Variants in AGTPBP1 observed in about 807,000 individuals in gnomAD.
AGTPBP1 encodes the protein cytosolic carboxypeptidase 1.
A neutral mutation model predicts 143.9 loss-of-function variants in AGTPBP1; 70 were observed. The ratio of observed to expected loss-of-function variants is 0.49; its 90% confidence interval spans 0.40 to 0.59. The LOEUF (loss-of-function observed/expected upper bound fraction) is 0.59, where lower values mean the gene tolerates loss of function less well. Among genes scored for constraint, AGTPBP1 ranks in the 20% least tolerant of loss-of-function variants. The pLI, the probability that AGTPBP1 is intolerant of heterozygous loss-of-function variation, is 0.00. For synonymous variants in AGTPBP1, 463 were observed against 500.2 expected (o/e 0.93, Z 0.99); for missense variants, 1,229 against 1,464.5 (o/e 0.84, Z 2.62).
At position 85,632,710 on chromosome 9, in the gene AGTPBP1, G is replaced by A. The variant is rs780688421; in HGVS notation, c.1967C>T (p.Pro656Leu). 9.3e-6 allele frequency: 15 copies of A among 1,613,682 alleles called. No individual in the cohort carries two copies. The highest frequency in any genetic ancestry group is 2.7e-5 in the African/African-American group (2 of 74,898). The change falls in exon 14 of 26, where the codon CCG becomes CTG. Residue 656 changes from proline to leucine, a missense_variant. Transcript: ENST00000357081. ...VAYPDYFGHI[P>L]PPFKEPILER... The stretch of plus-strand genomic sequence containing the variant: ...TAAAATAGGCTCTTTGAATGGAGGC[G>A]GAATGTGACCAAAATAATCGGGATA...
the AGTPBP1 span, among the ~76,000 whole-genome samples, chr9:85,765,793 A>G: frequency 6.6e-6 from 1 of 152,214 alleles, no homozygotes; most frequent in Non-Finnish European, 1.5e-5. Flanking sequence ...AAGTGACAGG[A>G]AGTTATGAGG....
chr9:85,682,739 A>G (rs938193460), intron 3 of AGTPBP1, among the ~76,000 whole-genome samples: 4 of 152,220 alleles, frequency 2.6e-5, no homozygotes, highest in African/African-American at 9.6e-5. Context: ...TGAGGCCCTG[A>G]TTAAAGGAAA....
intron 2 of AGTPBP1, among the ~76,000 whole-genome samples, chr9:85,698,653 A>T (rs1836430041): frequency 7.2e-6 from 1 of 138,232 alleles, no homozygotes; most frequent in African/African-American, 2.6e-5. Context: ...CACTTAGAGG[A>T]GGAAATGTAT....
chr9:85,682,841 T>TCTGAC (rs1226127634), intron 3 of AGTPBP1, among the ~76,000 whole-genome samples: 5 of 152,222 alleles, frequency 3.3e-5, no homozygotes, highest in African/African-American at 4.8e-5. Context: ...ACTTCATGAA[T>TCTGAC]CTGACATCAC....
At chr9:85,713,741 AT>A (rs1417138428) in intron 1 of AGTPBP1, among the ~76,000 whole-genome samples, 1 of 152,060 alleles carries the variant, frequency 6.6e-6, no homozygotes, top group South Asian at 2.1e-4. Context: ...GACATACATA[AT>A]TTTTTTTCAT....
chr9:85,591,225 A>G (rs1828943936), intron 19 of AGTPBP1, among the ~76,000 whole-genome samples: 1 of 151,928 alleles, frequency 6.6e-6, no homozygotes, highest in Non-Finnish European at 1.5e-5. Context: ...GACAGGGTGA[A>G]TCACGGTAAG....
the AGTPBP1 span, among the ~76,000 whole-genome samples, chr9:85,789,960 C>T: frequency 2.6e-5 from 4 of 152,142 alleles, no homozygotes; most frequent in Non-Finnish European, 5.9e-5. Context: ...TAGGCACCTA[C>T]TCGTGACTTT....
chr9:85,576,433 A>AT (rs1186014430), intron 24 of AGTPBP1, among the ~76,000 whole-genome samples: 2 of 152,172 alleles, frequency 1.3e-5, no homozygotes, highest in African/African-American at 4.8e-5. Context: ...CTTTACAGTT[A>AT]TTTTTAAATT....
chr9:85,771,231 G>C, the AGTPBP1 span, among the ~76,000 whole-genome samples: 1 of 152,176 alleles, frequency 6.6e-6, no homozygotes, highest in Non-Finnish European at 1.5e-5. Context: ...CAGGTGCAGT[G>C]GCTCATGCCT....
chr9:85,624,006 T>C (rs1238392825), intron 14 of AGTPBP1, among the ~76,000 whole-genome samples: 1 of 152,124 alleles, frequency 6.6e-6, no homozygotes, highest in African/African-American at 2.4e-5. Flanking sequence ...GTCTAGAAAA[T>C]ATATAGCCTA....
chr9:85,614,756 G>GTGTGTA (rs1378328230), intron 17 of AGTPBP1, among the ~76,000 whole-genome samples: 2 of 152,058 alleles, frequency 1.3e-5, no homozygotes, highest in Non-Finnish European at 2.9e-5. Flanking sequence ...AACATAATTA[G>GTGTGTA]TGTGTATGTA....
chr9:85,619,118 G>C lies in AGTPBP1; in HGVS notation c.2200C>G (p.Leu734Val). The C allele has an allele frequency of 1.2e-6, 2 of 1,612,888 alleles. No individual in the cohort carries two copies. The highest frequency in any genetic ancestry group is 1.7e-6 in the Non-Finnish European group (2 of 1,179,358). ...VIQIRKNEYD[L>V]ILNSDINSNH... ...CTGTTTATGTCTGAGTTCAGAATAA[G>C]ATCATATTCATTTCTGAAAATAGAA... Residue 734 changes from leucine to valine, a missense_variant, in exon 17 of 26, where the codon CTT becomes GTT. Leu to Val is a conservative substitution (Grantham distance 32). This residue lies in a region of AGTPBP1 where 486 missense variants were observed against 652.3 expected (regional missense o/e 0.75). Transcript: ENST00000357081.
At chr9:85,611,155 C>CTTTTTTT (rs56023115) in intron 17 of AGTPBP1, among the ~76,000 whole-genome samples, 7 of 112,748 alleles carry the variant, frequency 6.2e-5, no homozygotes, top group Non-Finnish European at 1.1e-4. Flanking sequence ...AGGGGCTTTT[C>CTTTTTTT]TTTTTTTTTT....
At chr9:85,625,636 A>G (rs531771715) in intron 14 of AGTPBP1, among the ~76,000 whole-genome samples, 1 of 152,118 alleles carries the variant, frequency 6.6e-6, no homozygotes, top group South Asian at 2.1e-4. Context: ...CGGTAATTCC[A>G]GCACTTTGGG....
At chr9:85,565,532 A>C (rs1244979976) in intron 25 of AGTPBP1, among the ~76,000 whole-genome samples, 1 of 152,224 alleles carries the variant, frequency 6.6e-6, no homozygotes, top group African/African-American at 2.4e-5. Flanking sequence ...AGGACAAAGA[A>C]GGGATCCAGA....
chr9:85,623,439 G>A (rs767304556), intron 14 of AGTPBP1, among the ~76,000 whole-genome samples: 4 of 151,996 alleles, frequency 2.6e-5, no homozygotes, highest in Non-Finnish European at 4.4e-5. Context: ...GGGAATCTTT[G>A]CCCTGCCCTA....
At chr9:85,589,713 T>C (rs370439411) in intron 19 of AGTPBP1, 32 bp from the exon 20 acceptor site, 10 of 1,576,670 alleles carry the variant, frequency 6.3e-6, no homozygotes, top group Middle Eastern at 1.7e-4. Flanking sequence ...AAATATACAA[T>C]CACTTAAAAA....
At chr9:85,616,245 T>C (rs894720427) in intron 17 of AGTPBP1, among the ~76,000 whole-genome samples, 6 of 151,890 alleles carry the variant, frequency 4.0e-5, no homozygotes, top group African/African-American at 1.4e-4. Context: ...GTGATATACA[T>C]ACAAGAATAT....
At chr9:85,616,017 T>C (rs1324525918) in intron 17 of AGTPBP1, among the ~76,000 whole-genome samples, 1 of 151,904 alleles carries the variant, frequency 6.6e-6, no homozygotes, top group Non-Finnish European at 1.5e-5. Context: ...TTGATTAAAA[T>C]ACAGAACATG....
Sources: gnomAD v4.1 joint callset for allele counts (sites outside exome capture counted in the v4.1 genomes callset) on GRCh38, gnomAD v4.1.1 for gene constraint, gnomAD v4.1.1 regional missense constraint, MANE v1.5 for transcripts, NCBI Gene and HGNC (gene_info 2026-07-23, HGNC 2026-07-21) for gene names.